The following CCDC178 variants were observed in gnomAD, a reference collection of about 807,000 sequenced individuals.
CCDC178 encodes the protein coiled-coil domain containing 178, also known as coiled-coil domain-containing protein 178.
CCDC178 carries 126 observed loss-of-function variants against 117.4 expected under a neutral mutation model. The observed-to-expected ratio is 1.07, with a 90% confidence interval of 0.93 to 1.24. The LOEUF (loss-of-function observed/expected upper bound fraction) is 1.24, where lower values mean the gene tolerates loss of function less well. Ranked by LOEUF, CCDC178 falls within the 50% of genes most tolerant of loss-of-function variation. The pLI is 0.00. For synonymous variants in CCDC178, 283 were observed against 313.4 expected (o/e 0.90, Z 1.02); for missense variants, 1,030 against 986.9 (o/e 1.04, Z -0.59).
At chr18:33,377,158 T>A (rs8088000) in intron 5 of CCDC178, among the ~76,000 whole-genome samples, 1 of 152,052 alleles carries the variant, frequency 6.6e-6, no homozygotes, top group Non-Finnish European at 1.5e-5. Context: ...TGGTATGAGA[T>A]GCTATCTCAT....
chr18:33,130,778 C>T (rs1044781572), intron 20 of CCDC178, among the ~76,000 whole-genome samples: 3 of 151,942 alleles, frequency 2.0e-5, no homozygotes, highest in South Asian at 2.1e-4. Context: ...AACAGGCTAT[C>T]AGACAGGTAG....
At chr18:33,160,987 A>C (rs2058455128) in intron 20 of CCDC178, among the ~76,000 whole-genome samples, 1 of 152,172 alleles carries the variant, frequency 6.6e-6, no homozygotes, top group Admixed American at 6.6e-5. Flanking sequence ...AAAATATGTA[A>C]CTTTGGAAAA....
intron 11 of CCDC178, among the ~76,000 whole-genome samples, chr18:33,314,775 G>A: frequency 6.6e-6 from 1 of 152,070 alleles, no homozygotes; most frequent in East Asian, 1.9e-4. Context: ...ATCTGGTAAT[G>A]CTCATAAATA....
intron 20 of CCDC178, among the ~76,000 whole-genome samples, chr18:33,136,573 T>A (rs1434568565): frequency 6.6e-6 from 1 of 152,140 alleles, no homozygotes; most frequent in African/African-American, 2.4e-5. Flanking sequence ...AAGAATAATA[T>A]ATGTGTGGCC....
chr18:33,172,440 CA>C (rs1367484591), intron 20 of CCDC178, among the ~76,000 whole-genome samples: 2 of 151,562 alleles, frequency 1.3e-5, no homozygotes. Context: ...GCAAATTAAA[CA>C]AAAAATACTT....
At chr18:33,421,645 G>C (rs1416208399) in intron 2 of CCDC178, among the ~76,000 whole-genome samples, 1 of 152,160 alleles carries the variant, frequency 6.6e-6, no homozygotes, top group Non-Finnish European at 1.5e-5. Flanking sequence ...GACAAGCGCT[G>C]TATCATTTGG....
chr18:33,275,117 ATTTAC>A (rs1312280836), intron 12 of CCDC178, among the ~76,000 whole-genome samples: 1 of 152,012 alleles, frequency 6.6e-6, no homozygotes. Context: ...AAAAAAATGT[ATTTAC>A]TTTGCTATCA....
At chr18:33,214,906 C>T (rs1456471886) in intron 19 of CCDC178, among the ~76,000 whole-genome samples, 2 of 151,792 alleles carry the variant, frequency 1.3e-5, no homozygotes, top group African/African-American at 4.8e-5. Flanking sequence ...CTAAATGTGG[C>T]CAGTGCATGT....
At chr18:33,280,752 A>G (rs906566140) in intron 12 of CCDC178, among the ~76,000 whole-genome samples, 1 of 152,222 alleles carries the variant, frequency 6.6e-6, no homozygotes, top group African/African-American at 2.4e-5. Flanking sequence ...GCACATATAC[A>G]TGATGGAATA....
intron 21 of CCDC178, among the ~76,000 whole-genome samples, chr18:33,038,928 C>G (rs2056495257): frequency 6.6e-6 from 1 of 151,842 alleles, no homozygotes; most frequent in Admixed American, 6.6e-5. Context: ...CAAGAATTAT[C>G]AAAAACACAA....
At chr18:33,198,454 T>C (rs914716423) in intron 20 of CCDC178, among the ~76,000 whole-genome samples, 12 of 152,302 alleles carry the variant, frequency 7.9e-5, no homozygotes, top group Non-Finnish European at 1.5e-4. Context: ...ATTAAATTCA[T>C]TTTTTATGAA....
chr18:33,232,599 A>G (rs1211176436), intron 15 of CCDC178, among the ~76,000 whole-genome samples: 15 of 152,202 alleles, frequency 9.9e-5, no homozygotes, highest in Non-Finnish European at 1.9e-4. Context: ...TTTGGTGGCC[A>G]GGACCCTAAC....
chr18:33,140,359 G>A (rs947846842), intron 20 of CCDC178, among the ~76,000 whole-genome samples: 5 of 152,052 alleles, frequency 3.3e-5, no homozygotes, highest in African/African-American at 7.2e-5. Flanking sequence ...CTGTGTGCCC[G>A]GAAAAGACAC....
intron 20 of CCDC178, among the ~76,000 whole-genome samples, chr18:33,168,616 T>C (rs1430062516): frequency 6.6e-6 from 1 of 152,230 alleles, no homozygotes; most frequent in Admixed American, 6.5e-5. Context: ...CAGTTTGTTA[T>C]AAAACTAAGA....
chr18:33,399,129 G>A lies in CCDC178; in HGVS notation c.59-1921C>T, dbSNP rs1466435039. Among the ~76,000 whole-genome samples, 12 of 152,060 alleles carry A rather than the reference G, an allele frequency of 7.9e-5. 1 individual carries two copies. The highest frequency in any genetic ancestry group is 2.6e-4 in the Admixed American group (4 of 15,256). ...ACAAGACAATTGCTTGAACCCGCAA[G>A]GCGGAGGTTGCGCTGAGCTGAGATC... On this transcript the variant is annotated intron_variant, in intron 3 of 22. Transcript: ENST00000383096.
chr18:33,283,528 C>T (rs2060050628), intron 12 of CCDC178, among the ~76,000 whole-genome samples: 1 of 152,080 alleles, frequency 6.6e-6, no homozygotes, highest in Non-Finnish European at 1.5e-5. Flanking sequence ...TAACAAAGGT[C>T]TAATATCTAG....
At chr18:33,306,702 C>A (rs2062259808) in intron 11 of CCDC178, among the ~76,000 whole-genome samples, 1 of 151,072 alleles carries the variant, frequency 6.6e-6, no homozygotes, top group Non-Finnish European at 1.5e-5. Flanking sequence ...AAATACTCTT[C>A]AAATTCATGT....
chr18:32,948,278 T>G (rs1368618937), intron 22 of CCDC178, among the ~76,000 whole-genome samples: 2 of 152,118 alleles, frequency 1.3e-5, no homozygotes, highest in Admixed American at 1.3e-4. Flanking sequence ...AATCTTTAGA[T>G]CAATTTGGGT....
intron 20 of CCDC178, among the ~76,000 whole-genome samples, chr18:33,157,681 G>C (rs1471540581): frequency 4.6e-5 from 7 of 152,074 alleles, no homozygotes; most frequent in Non-Finnish European, 1.0e-4. Flanking sequence ...CTATTCTTGA[G>C]TCATTACTCT....
Sources: allele counts gnomAD v4.1 joint callset (sites outside exome capture counted in the v4.1 genomes callset), GRCh38; gene constraint gnomAD v4.1.1; transcripts MANE v1.5; gene names NCBI Gene and HGNC (gene_info 2026-07-23, HGNC 2026-07-21).